The following FDFT1 variants were observed in gnomAD, a reference collection of about 807,000 sequenced individuals.
FDFT1 encodes the protein farnesyl-diphosphate farnesyltransferase 1.
In FDFT1, 68 loss-of-function variants were observed where a neutral mutation model predicts 46.8. That is an observed-to-expected ratio of 1.45 (90% confidence interval 1.19 to 1.78). FDFT1 has a LOEUF of 1.78. FDFT1 is among the 40% of genes most tolerant of loss of function. The pLI is 0.00. For synonymous variants in FDFT1, 351 were observed against 185.1 expected, an observed-to-expected ratio of 1.90 and a Z score of -7.28; for missense variants, 928 against 524.4, an observed-to-expected ratio of 1.77 and a Z score of -7.52.
chr8:11,805,020 C>T (rs1234512290), intron 1 of FDFT1, among the ~76,000 whole-genome samples: 1 of 151,670 alleles, frequency 6.6e-6, no homozygotes, highest in Admixed American at 6.6e-5. Context: ...GCCATCCTCC[C>T]ACCTCGGCTT....
chr8:11,798,348 C>T (rs966278089), upstream of FDFT1, among the ~76,000 whole-genome samples: 2 of 152,240 alleles, frequency 1.3e-5, 1 homozygote, highest in Non-Finnish European at 2.9e-5. Flanking sequence ...GTGTGAGCCA[C>T]TGCACCCAGC....
chr8:11,809,028 C>G (rs548544951), intron 2 of FDFT1, 137 bp downstream of exon 2: 5 of 1,389,482 alleles, frequency 3.6e-6, no homozygotes, highest in East Asian at 2.6e-5. Flanking sequence ...TAGCCCGGCC[C>G]TACGTGTTTA....
intron 1 of FDFT1, among the ~76,000 whole-genome samples, chr8:11,807,431 G>A (rs374219307): frequency 6.6e-6 from 1 of 152,232 alleles, no homozygotes; most frequent in Admixed American, 6.5e-5. Context: ...CCGAAGTGCA[G>A]GGATTATAGG....
At chr8:11,823,743 T>G (rs558917510) in intron 4 of FDFT1, among the ~76,000 whole-genome samples, 1 of 152,006 alleles carries the variant, frequency 6.6e-6, no homozygotes, top group East Asian at 1.9e-4. Context: ...GCTAATTTAT[T>G]TTAATTTTTA....
chr8:11,804,016 T>C (rs1171256154), intron 1 of FDFT1, among the ~76,000 whole-genome samples: 1 of 152,260 alleles, frequency 6.6e-6, no homozygotes, highest in Admixed American at 6.5e-5. Flanking sequence ...TTTTTATATT[T>C]AGATATAGCA....
chr8:11,833,802 G>A (rs1032102298), intron 7 of FDFT1, among the ~76,000 whole-genome samples: 1 of 152,318 alleles, frequency 6.6e-6, no homozygotes, highest in East Asian at 1.9e-4. Context: ...TAAGAGGTTT[G>A]CTGACTTCTG....
In FDFT1 at chr8:11,838,656, T is replaced by C. The variant is rs1563352179; in HGVS notation, c.*47T>C. 1.5e-5 allele frequency: 22 copies of C among 1,441,682 alleles called. No individual in the cohort carries two copies. The highest frequency in any genetic ancestry group is 2.2e-5 in the Non-Finnish European group (22 of 1,023,230). 89.3% of individuals were successfully genotyped at this position (1,441,682 alleles called of 1,614,324 possible). A position where few individuals can be genotyped will look rare whatever the true frequency, so the allele number is the denominator to read the frequency against. On this transcript the variant is annotated 3_prime_UTR_variant, in exon 8 of 8. Transcript: ENST00000220584. ...AAGTCCACCATAAAGTGGATTTACT[T>C]TTTTTCTTTAAGGATGGATGTTGTG...
intron 7 of FDFT1, among the ~76,000 whole-genome samples, chr8:11,834,422 A>G (rs1313903246): frequency 6.6e-6 from 1 of 152,176 alleles, no homozygotes; most frequent in African/African-American, 2.4e-5. Context: ...ATTCCTTGGC[A>G]GGGAGAATCT....
chr8:11,825,717 AT>A (rs1240362838), intron 4 of FDFT1, among the ~76,000 whole-genome samples: 2 of 152,048 alleles, frequency 1.3e-5, no homozygotes, highest in African/African-American at 4.8e-5. Context: ...AAATAAAAAA[AT>A]GTTTACTAGT....
upstream of FDFT1, among the ~76,000 whole-genome samples, chr8:11,800,862 T>C (rs1279309152): frequency 1.3e-5 from 2 of 152,204 alleles, no homozygotes; most frequent in African/African-American, 4.8e-5. Context: ...GAAACTAAGT[T>C]TTTAAGATTT....
At chr8:11,802,108 A>G (rs184961538), upstream of FDFT1, 452 of 454,790 alleles carry the variant, frequency 9.9e-4, no homozygotes, top group African/African-American at 8.4e-3. Context: ...TCTCAAGTAA[A>G]CACTAGAGAG....
chr8:11,829,050 G>C (rs562515478), intron 5 of FDFT1, among the ~76,000 whole-genome samples: 2 of 152,314 alleles, frequency 1.3e-5, no homozygotes, highest in African/African-American at 2.4e-5. Flanking sequence ...TCATACAGCA[G>C]CTCGAACCTT....
chr8:11,803,478 G>C (rs917239781), intron 1 of FDFT1: 2 of 1,258,780 alleles, frequency 1.6e-6, no homozygotes, highest in South Asian at 2.6e-5. Context: ...GTTCCAATGA[G>C]TTATCTAACG....
chr8:11,805,484 C>T (rs1806715904), intron 1 of FDFT1, among the ~76,000 whole-genome samples: 2 of 152,124 alleles, frequency 1.3e-5, no homozygotes, highest in African/African-American at 4.8e-5. Flanking sequence ...GTTATTTAGA[C>T]TAATATCTTA....
At chr8:11,815,691 AT>A (rs1260069561) in intron 3 of FDFT1, among the ~76,000 whole-genome samples, 1 of 152,152 alleles carries the variant, frequency 6.6e-6, no homozygotes, top group African/African-American at 2.4e-5. Flanking sequence ...GTCTGTTCAT[AT>A]CCTTTGCCCA....
chr8:11,821,930 G>T (rs1330098358), intron 4 of FDFT1, 52 bp downstream of exon 4: 23 of 1,589,014 alleles, frequency 1.4e-5, no homozygotes, highest in East Asian at 9.1e-5. Flanking sequence ...AGAGCTGGCA[G>T]TCCTCATAGT....
chr8:11,803,767 C>A (rs777260063), intron 1 of FDFT1: 3 of 183,214 alleles, frequency 1.6e-5, no homozygotes, highest in South Asian at 9.4e-5. Context: ...ACATCGGAGT[C>A]TTTCTTTCAG....
At chr8:11,818,224 G>C (rs1253756467) in intron 3 of FDFT1, among the ~76,000 whole-genome samples, 1 of 152,212 alleles carries the variant, frequency 6.6e-6, no homozygotes, top group African/African-American at 2.4e-5. Context: ...TGGTCTGAGA[G>C]AAAGTTTGTT....
At chr8:11,809,230 G>A (rs1024101685) in intron 2 of FDFT1, 2 of 1,163,596 alleles carry the variant, frequency 1.7e-6, no homozygotes, top group Admixed American at 4.4e-5. Context: ...AGCATATTGG[G>A]TTGATTCTTT....
Sources: allele counts gnomAD v4.1 joint callset (sites outside exome capture counted in the v4.1 genomes callset), GRCh38; gene constraint gnomAD v4.1.1; transcripts MANE v1.5; gene names NCBI Gene and HGNC (gene_info 2026-07-23, HGNC 2026-07-21).